KDM4B: variants seen among roughly 807,000 people sequenced by gnomAD.
The protein encoded by KDM4B is lysine demethylase 4B.
KDM4B carries 32 observed loss-of-function variants against 125.2 expected under a neutral mutation model. The observed-to-expected ratio is 0.26, with a 90% CI of 0.19 to 0.34. The LOEUF (loss-of-function observed/expected upper bound fraction) is 0.34. Ranked by LOEUF, KDM4B falls within the 10% of genes least tolerant of loss-of-function variation. KDM4B has a pLI of 1.00. For synonymous variants in KDM4B, 721 were observed against 677.9 expected, an observed-to-expected ratio of 1.06 and a Z score of -0.99; for missense variants, 1,190 against 1,577.7, an observed-to-expected ratio of 0.75 and a Z score of 4.16.
chr19:5,028,953 A>G (rs969770273), intron 2 of KDM4B, among the ~76,000 whole-genome samples: 3 of 152,036 alleles, frequency 2.0e-5, no homozygotes, highest in African/African-American at 7.2e-5. Context: ...CCCAGGCTGG[A>G]AGGCTGGAGT....
intron 6 of KDM4B, among the ~76,000 whole-genome samples, chr19:5,056,486 A>G (rs994392859): frequency 2.0e-4 from 30 of 149,326 alleles, no homozygotes; most frequent in African/African-American, 7.4e-4. Flanking sequence ...GCTCACTGCA[A>G]CCTCCACCTC....
At position 4,971,986 on chromosome 19, in the gene KDM4B, C is replaced by A. The variant is rs529147397; in HGVS notation, c.-109+2756C>A. 6.6e-6 allele frequency among the ~76,000 whole-genome samples: 1 copy of A among 152,284 alleles called. No homozygotes were observed. The highest frequency in any genetic ancestry group is 1.9e-4 in the East Asian group (1 of 5,170). On this transcript the variant is annotated intron_variant, in intron 1 of 22. Transcript: ENST00000159111. This position sits in a 1 kb window ranked among gnomAD's most constrained non-coding sequence, Gnocchi z 4.1. The stretch of plus-strand genomic sequence containing the variant: ...CTCCGCAGGCCTGCACTGGTCACCG[C>A]CATGACAGATCGGCCGTCCTCATCC...
In KDM4B at chr19:5,144,389, AACCTGT is replaced by A; in HGVS notation, c.2882_2887del (p.Leu961_Tyr962del). ...CTTCGACGATGGCTCCTACAGCGAC[AACCTGT>A]ACCCTGAGAGCATCACGGTGAGCTG... On this transcript the variant is annotated inframe_deletion, in exon 20 of 23. Coordinates refer to ENST00000159111, the MANE Select transcript of KDM4B (RefSeq NM_015015.3). 2 of 1,565,376 alleles carry A rather than the reference AACCTGT, an allele frequency of 1.3e-6. No individual in the cohort carries two copies. Among genetic ancestry groups the A allele is most frequent in the Non-Finnish European group, 1.7e-6 (2 of 1,154,806 alleles).
chr19:5,052,286 A>T (rs1031608918), intron 6 of KDM4B, among the ~76,000 whole-genome samples: 1 of 146,488 alleles, frequency 6.8e-6, no homozygotes, highest in African/African-American at 2.5e-5. Flanking sequence ...GTGTCCCTGG[A>T]GGTGTGCGTG....
chr19:5,040,191 G>T (rs563205047), intron 4 of KDM4B, among the ~76,000 whole-genome samples, 180 bp downstream of exon 4: 11 of 152,102 alleles, frequency 7.2e-5, no homozygotes, highest in African/African-American at 2.4e-4. Context: ...ACCCTCTCCC[G>T]GCCTGGGCTG....
chr19:5,002,713 G>C (rs75303885), intron 1 of KDM4B, among the ~76,000 whole-genome samples: 3,087 of 151,812 alleles, frequency 0.02, 170 homozygotes, highest in East Asian at 0.15. Context: ...GTAGTCCCCG[G>C]ACTGTGGGAG....
chr19:5,094,054 C>T (rs1447759114), intron 9 of KDM4B, among the ~76,000 whole-genome samples: 1 of 152,222 alleles, frequency 6.6e-6, no homozygotes, highest in African/African-American at 2.4e-5. Flanking sequence ...CCTGCCTCTC[C>T]TGGCTTCAGG....
chr19:5,057,065 T>TGTGCGCGCGC (rs55806859), intron 6 of KDM4B, among the ~76,000 whole-genome samples: 30 of 128,396 alleles, frequency 2.3e-4, no homozygotes, highest in African/African-American at 9.6e-4. Context: ...TGTGTGTGTG[T>TGTGCGCGCGC]GCGCGCGCGC....
Position 5,114,100 on chromosome 19 carries a change from C to A in KDM4B, c.1115+3282C>A, listed in dbSNP as rs771459932. The stretch of plus-strand genomic sequence containing the variant: ...CCCTCAGCCTCCCCACTCCCGGTGG[C>A]GCTGTGCGTTCTGGTGCCCTGCCTG... On this transcript the variant is annotated intron_variant, in intron 10 of 22. Transcript: ENST00000159111. The surrounding 1 kb of genome is among the most constrained non-coding windows in gnomAD (Gnocchi z 5.8). The A allele has an allele frequency of 7.8e-7, 1 of 1,289,528 alleles. No individual in the cohort carries two copies. Among genetic ancestry groups the A allele is most frequent in the South Asian group, 1.2e-5 (1 of 81,012 alleles). 79.9% of individuals were successfully genotyped at this position (1,289,528 alleles called of 1,614,324 possible).
intron 9 of KDM4B, among the ~76,000 whole-genome samples, chr19:5,098,786 G>T (rs2038876469): frequency 6.6e-6 from 1 of 152,178 alleles, no homozygotes; most frequent in African/African-American, 2.4e-5. Flanking sequence ...TCAGTGAGAA[G>T]ATGCCAAGAA....
intron 9 of KDM4B, among the ~76,000 whole-genome samples, chr19:5,086,116 C>G (rs1410112944): frequency 6.6e-6 from 1 of 152,176 alleles, no homozygotes; most frequent in Non-Finnish European, 1.5e-5. Context: ...AAAGAGGAGG[C>G]TTTCCACCCC....
At chr19:5,060,064 T>C (rs1279199895) in intron 6 of KDM4B, among the ~76,000 whole-genome samples, 2 of 152,184 alleles carry the variant, frequency 1.3e-5, no homozygotes. Context: ...CAGCACCTCC[T>C]TGGGCCCGTG....
chr19:5,120,176 A>T (rs1199148270), intron 11 of KDM4B, among the ~76,000 whole-genome samples: 2 of 152,186 alleles, frequency 1.3e-5, no homozygotes, highest in African/African-American at 4.8e-5. Context: ...TCTACTTATG[A>T]TATAAAAAAA....
At chr19:4,986,439 C>T (rs1333220232) in intron 1 of KDM4B, among the ~76,000 whole-genome samples, 2 of 152,190 alleles carry the variant, frequency 1.3e-5, no homozygotes, top group African/African-American at 4.8e-5. Context: ...TTCAGGGGTG[C>T]TCTTCACAGT....
intron 9 of KDM4B, among the ~76,000 whole-genome samples, chr19:5,096,572 T>G (rs541652784): frequency 1.3e-5 from 2 of 152,306 alleles, no homozygotes; most frequent in South Asian, 4.1e-4. Context: ...ATTTCTACAC[T>G]GGAGTCGCTG....
intron 9 of KDM4B, among the ~76,000 whole-genome samples, chr19:5,092,577 G>C (rs958614478): frequency 1.3e-5 from 2 of 152,176 alleles, no homozygotes; most frequent in Admixed American, 1.3e-4. Flanking sequence ...TGCCAGCTCG[G>C]CAGCCCCCAG....
Position 5,144,959 on chromosome 19 carries a change from C to T in KDM4B, c.3021+57C>T, listed in dbSNP as rs569187850. 4.5e-4 allele frequency: 724 copies of T among 1,607,126 alleles called. 1 individual carries two copies. The Middle Eastern group carries it at 5.7e-3, about 13-fold the overall frequency. The stretch of plus-strand genomic sequence containing the variant: ...CTTCACCAAGCTCTTCTTGTAGGTG[C>T]GGGGACAGGAGGATCACACCCCTGG... On this transcript the variant is annotated intron_variant, in intron 21 of 22. Transcript: ENST00000159111.
chr19:5,106,137 G>A (rs1253691934), intron 9 of KDM4B, among the ~76,000 whole-genome samples: 2 of 152,186 alleles, frequency 1.3e-5, no homozygotes, highest in Non-Finnish European at 2.9e-5. Context: ...TCCTGAGGAC[G>A]TTTCTGTCAT....
At chr19:5,137,469 G>A (rs2039669411) in intron 16 of KDM4B, 131 bp downstream of exon 16, 8 of 1,184,432 alleles carry the variant, frequency 6.8e-6, no homozygotes, top group South Asian at 4.0e-5. Context: ...CTGAGGGGGT[G>A]GAACCCAAGG....
Sources: gnomAD v4.1 joint callset for allele counts (sites outside exome capture counted in the v4.1 genomes callset) on GRCh38, gnomAD v4.1.1 for gene constraint, Gnocchi (gnomAD v3.1) non-coding constraint, MANE v1.5 for transcripts, NCBI Gene and HGNC (gene_info 2026-07-23, HGNC 2026-07-21) for gene names.